PRDM15: variants seen among roughly 807,000 people sequenced by gnomAD.
PRDM15 encodes PR/SET domain 15.
A neutral mutation model predicts 128.6 loss-of-function variants in PRDM15; 64 were observed. The ratio of observed to expected loss-of-function variants is 0.50; its 90% CI spans 0.41 to 0.61. The LOEUF is 0.61. Among genes scored for constraint, PRDM15 ranks in the 20% least tolerant of loss-of-function variants. The pLI is 0.00. For synonymous variants in PRDM15, 615 were observed against 621.8 expected (o/e 0.99, Z 0.16); for missense variants, 1,242 against 1,569.1 (o/e 0.79, Z 3.52).
chr21:41,840,253 T>A (rs2063032055), intron 6 of PRDM15, among the ~76,000 whole-genome samples: 1 of 152,108 alleles, frequency 6.6e-6, no homozygotes, highest in Non-Finnish European at 1.5e-5. Context: ...AAGACCAGCC[T>A]GGCAAACATG....
At chr21:41,820,957 G>A (rs1209638075) in intron 16 of PRDM15, 110 bp downstream of exon 16, 1 of 1,376,744 alleles carries the variant, frequency 7.3e-7, no homozygotes, top group Non-Finnish European at 1.0e-6. Flanking sequence ...AGACCCAGAG[G>A]ACATCACTTG....
Position 41,836,598 on chromosome 21 carries a change from G to A in PRDM15, c.1053C>T (p.Leu351=). The A allele has an allele frequency of 2.5e-6, 4 of 1,613,348 alleles. No individual in the cohort carries two copies. The highest frequency in any genetic ancestry group is 3.4e-6 in the Non-Finnish European group (4 of 1,179,862). Residue 351 remains leucine (L), a synonymous_variant, in exon 9 of 24, where the codon CTC becomes CTT. Coordinates refer to ENST00000398548, the MANE Select transcript of PRDM15 (RefSeq NM_001040424.3). ...NTITLKRSLI[L]SSRHGIRRKL... ...TGCGCCGGATGCCGTGTCTGCTTGA[G>A]AGAATTAAGCTCCTCTTGAGCGTGA...
At chr21:41,822,773 G>C (rs866247469) in intron 14 of PRDM15, among the ~76,000 whole-genome samples, 1 of 152,248 alleles carries the variant, frequency 6.6e-6, no homozygotes, top group African/African-American at 2.4e-5. Flanking sequence ...GGTGGCTCAC[G>C]CCTGTAATCG....
rs200629576 is a variant in PRDM15 at position 41,828,727 on chromosome 21, TACCA to T, written c.1367-398_1367-395del. On this transcript the variant is annotated intron_variant, in intron 11 of 23. Coordinates refer to ENST00000398548, the MANE Select transcript of PRDM15 (RefSeq NM_001040424.3). This position sits in a 1 kb window ranked among gnomAD's most constrained non-coding sequence, Gnocchi z 5.7. ...TGACTGACAGATAGAATGACCTACC[TACCA>T]ACCAACCAACCAACCACCCGAGCAA... Among the ~76,000 whole-genome samples, 13 of 150,192 alleles carry T rather than the reference TACCA, an allele frequency of 8.7e-5. No homozygotes were observed. Among genetic ancestry groups the T allele is most frequent in the African/African-American group, 2.2e-4 (9 of 40,650 alleles).
At position 41,801,287 on chromosome 21, in the gene PRDM15, G is replaced by A; in HGVS notation, c.3379C>T (p.Pro1127Ser). 1.9e-6 allele frequency: 3 copies of A among 1,555,782 alleles called. No homozygotes were observed. Among genetic ancestry groups the A allele is most frequent in the Non-Finnish European group, 1.7e-6 (2 of 1,149,820 alleles). ...TGCTGCTGCTCCGCCTGCACCTGGG[G>A]CTGGGCCGCCTGCTGTGGGGGTGCC... ...PQAPPQQAAQ[P>S]QVQAEQQQQQ... The change falls in exon 24 of 24, where the codon CCC (proline) becomes TCC (serine). Residue 1127 changes from proline (P) to serine (S), a missense_variant. Pro to Ser is a moderately conservative substitution (Grantham distance 74). Coordinates refer to ENST00000398548, the MANE Select transcript of PRDM15 (RefSeq NM_001040424.3).
At chr21:41,847,004 G>A (rs188968865) in intron 6 of PRDM15, 86 bp downstream of exon 6, 29 of 889,404 alleles carry the variant, frequency 3.3e-5, no homozygotes, top group Admixed American at 2.7e-4. Context: ...GGGACATCCC[G>A]ACAGCCGCAG....
intron 1 of PRDM15, chr21:41,861,535 C>CG (rs540928980): frequency 1.4e-5 from 19 of 1,347,206 alleles, no homozygotes; most frequent in East Asian, 7.7e-5. Flanking sequence ...TCCTCCTCTG[C>CG]CCCCCCCCAA....
intron 1 of PRDM15, among the ~76,000 whole-genome samples, chr21:41,874,525 A>ATATATATTT: frequency 1.5e-4 from 14 of 95,814 alleles, no homozygotes; most frequent in Middle Eastern, 6.9e-3. Context: ...ATATATATAT[A>ATATATATTT]TTTTTTTTTT....
Position 41,826,052 on chromosome 21 carries a change from C to A in PRDM15, c.1537G>T (p.Val513Leu). 1 of 1,613,906 alleles carries A rather than the reference C, an allele frequency of 6.2e-7. No individual in the cohort carries two copies. The highest frequency in any genetic ancestry group is 2.2e-5 in the East Asian group (1 of 44,878). Residue 513 changes from valine to leucine, a missense_variant and splice_region_variant, in exon 13 of 24, where the codon GTG becomes TTG. This residue lies in a region of PRDM15 where 612 missense variants were observed against 717.0 expected (regional missense o/e 0.85). Coordinates refer to ENST00000398548, the MANE Select transcript of PRDM15 (RefSeq NM_001040424.3). ...LDHQRRHLEG[V>L]RRVKREDLEA... Reference sequence around the variant, plus strand: ...AGGTCCTCTCGCTTCACTCGCCGCACTCCTGAAATTGCCAACCCCACCAGC... The same window carrying A: ...AGGTCCTCTCGCTTCACTCGCCGCAATCCTGAAATTGCCAACCCCACCAGC...
intron 1 of PRDM15, among the ~76,000 whole-genome samples, chr21:41,878,535 G>A (rs539409558): frequency 6.6e-6 from 1 of 152,048 alleles, no homozygotes; most frequent in Non-Finnish European, 1.5e-5. Context: ...ACCTGTCCAC[G>A]CGAGGCGGGC....
At chr21:41,838,523 C>A (rs1053294111) in intron 7 of PRDM15, among the ~76,000 whole-genome samples, 1 of 152,190 alleles carries the variant, frequency 6.6e-6, no homozygotes, top group Admixed American at 6.5e-5. Context: ...ATACTGGAGA[C>A]CCTGGCCAGA....
intron 5 of PRDM15, among the ~76,000 whole-genome samples, chr21:41,851,628 C>T (rs528587839): frequency 4.6e-5 from 7 of 152,236 alleles, no homozygotes; most frequent in African/African-American, 7.2e-5. Context: ...GGTGTTGACG[C>T]GGCTGCTGGC....
chr21:41,806,093 T>A (rs867636146), intron 21 of PRDM15, among the ~76,000 whole-genome samples: 2 of 2,308 alleles, frequency 8.7e-4, no homozygotes, highest in Non-Finnish European at 1.5e-3. Context: ...ACCACCACCA[T>A]CACCACCACC....
chr21:41,852,268 G>A (rs940792263), intron 5 of PRDM15, among the ~76,000 whole-genome samples: 2 of 152,384 alleles, frequency 1.3e-5, no homozygotes, highest in East Asian at 1.9e-4. Flanking sequence ...GGCCAAGGCC[G>A]GCATCTCAGA....
chr21:41,807,444 G>A (rs960439242), intron 21 of PRDM15, among the ~76,000 whole-genome samples: 10 of 152,160 alleles, frequency 6.6e-5, no homozygotes, highest in South Asian at 2.1e-4. Flanking sequence ...AACGGGGACA[G>A]GCTCGGGGGA....
intron 4 of PRDM15, among the ~76,000 whole-genome samples, chr21:41,856,566 G>A (rs1192415263): frequency 6.6e-6 from 1 of 152,112 alleles, no homozygotes; most frequent in Non-Finnish European, 1.5e-5. Flanking sequence ...CATGGCAACA[G>A]TCAAAAACCA....
Position 41,801,704 on chromosome 21 carries a change from C to T in PRDM15, c.2962G>A (p.Asp988Asn). 6.2e-7 allele frequency: 1 copy of T among 1,612,116 alleles called. No homozygotes were observed. Among genetic ancestry groups the T allele is most frequent in the African/African-American group, 1.3e-5 (1 of 75,002 alleles). Residue 988 changes from aspartate (D) to asparagine (N), a missense_variant, in exon 24 of 24, where the codon GAC becomes AAC. This residue lies in a region of PRDM15 where 602 missense variants were observed against 788.3 expected (regional missense o/e 0.76). Coordinates refer to ENST00000398548, the MANE Select transcript of PRDM15 (RefSeq NM_001040424.3). ...SIQQVVVTLG[D>N]PNVTTPSSSV... The stretch of plus-strand genomic sequence containing the variant: ...CTCGATGGTGTGGTCACATTTGGGT[C>T]ACCCAGGGTCACCACTACCTGGAAG...
intron 10 of PRDM15, among the ~76,000 whole-genome samples, 200 bp from the exon 11 acceptor site, chr21:41,835,724 G>A (rs139259450): frequency 2.0e-5 from 3 of 152,236 alleles, no homozygotes; most frequent in Admixed American, 1.3e-4. Context: ...CCACACTCAG[G>A]GAGCCCCACT....
intron 19 of PRDM15, 63 bp downstream of exon 19, chr21:41,815,642 G>T: frequency 1.3e-6 from 2 of 1,591,032 alleles, no homozygotes; most frequent in Non-Finnish European, 8.5e-7. Context: ...CTTCTCCCAC[G>T]GCCCACCTGG....
Sources: allele counts gnomAD v4.1 joint callset (sites outside exome capture counted in the v4.1 genomes callset), GRCh38; gene constraint gnomAD v4.1.1; regional missense constraint gnomAD v4.1.1; non-coding constraint Gnocchi (gnomAD v3.1); transcripts MANE v1.5; gene names NCBI Gene and HGNC (gene_info 2026-07-23, HGNC 2026-07-21).